Variants in CACNA1E observed in about 807,000 individuals in gnomAD.
The protein encoded by CACNA1E is calcium voltage-gated channel subunit alpha1 E.
CACNA1E carries 40 observed loss-of-function variants against 259.2 expected under a neutral mutation model. The observed-to-expected ratio is 0.15, with a 90% CI of 0.12 to 0.20. CACNA1E has a LOEUF of 0.20. CACNA1E is among the 10% of genes least tolerant of loss of function. The pLI is 1.00. For missense variants in CACNA1E, 1,874 were observed against 3,040.1 expected (o/e 0.62, Z 9.02); for synonymous variants, 1,104 against 1,138.5 (o/e 0.97, Z 0.61).
chr1:181,716,099 G>A lies in CACNA1E; in HGVS notation c.1285G>A (p.Asp429Asn). 1 of 1,570,700 alleles carries A rather than the reference G, an allele frequency of 6.4e-7. No homozygotes were observed. Among genetic ancestry groups the A allele is most frequent in the East Asian group, 2.3e-5 (1 of 42,602 alleles). Reference protein sequence around the residue: ...RTEAMTRDSSDEHCVDISSVG... With the variant: ...RTEAMTRDSSNEHCVDISSVG... ...AGAGGCCATGACTCGAGACTCCAGT[G>A]ATGAGCACTGTGTTGATATCTCCTC... The change falls in exon 10 of 48, where the codon GAT becomes AAT. Residue 429 changes from aspartate to asparagine, a missense_variant. Asp to Asn is a conservative substitution (Grantham distance 23). Transcript: ENST00000367573.
intron 1 of CACNA1E, among the ~76,000 whole-genome samples, chr1:181,336,354 A>G (rs1651706782): frequency 6.6e-6 from 1 of 152,226 alleles, no homozygotes; most frequent in African/African-American, 2.4e-5. Context: ...TAAGCCCTAT[A>G]CGTGCCTCAA....
intron 16 of CACNA1E, among the ~76,000 whole-genome samples, chr1:181,723,896 C>T (rs1332410902): frequency 3.3e-5 from 5 of 152,194 alleles, no homozygotes; most frequent in African/African-American, 4.8e-5. Flanking sequence ...AGAAGCTCTC[C>T]GAACCCTGTC....
intron 25 of CACNA1E, among the ~76,000 whole-genome samples, chr1:181,746,980 G>A (rs1420612200): frequency 6.6e-6 from 1 of 152,190 alleles, no homozygotes; most frequent in Non-Finnish European, 1.5e-5. Context: ...AAGGTAAAAT[G>A]TATTTAATGT....
intron 3 of CACNA1E, among the ~76,000 whole-genome samples, chr1:181,575,495 T>C (rs1650877180): frequency 6.6e-6 from 1 of 152,220 alleles, no homozygotes; most frequent in Non-Finnish European, 1.5e-5. Context: ...TACTGCTCAC[T>C]CTTCTATCAT....
intron 27 of CACNA1E, among the ~76,000 whole-genome samples, chr1:181,753,008 T>C (rs1436827203): frequency 6.6e-6 from 1 of 152,182 alleles, no homozygotes; most frequent in East Asian, 1.9e-4. Context: ...TGAGGCTCCA[T>C]GGGAGGAAAG....
At chr1:181,447,617 C>T (rs1297848748) in intron 2 of CACNA1E, among the ~76,000 whole-genome samples, 1 of 151,990 alleles carries the variant, frequency 6.6e-6, no homozygotes, top group Non-Finnish European at 1.5e-5. Context: ...CAAATGACCA[C>T]AAATTTAGTA....
chr1:181,641,724 T>TG lies in CACNA1E; in HGVS notation c.952-9614_952-9613insG, dbSNP rs1191108892. On this transcript the variant is annotated intron_variant, in intron 6 of 47. Coordinates refer to ENST00000367573, the MANE Select transcript of CACNA1E (RefSeq NM_001205293.3). ...TTTTGTTTTTTTTTTTTTTTTTTTT[T>TG]TTTTTTTGAGACAGAGTCTCGCTCT... 4.3e-3 allele frequency among the ~76,000 whole-genome samples: 616 copies of TG among 143,224 alleles called. 34 individuals are homozygous for TG. The highest frequency in any genetic ancestry group is 0.029 in the East Asian group (146 of 5,016). The allele number at this position is 143,224 out of a possible 152,430, so 94.0% of individuals were successfully genotyped here. A position where few individuals can be genotyped will look rare whatever the true frequency, so the allele number is the denominator to read the frequency against.
intron 38 of CACNA1E, among the ~76,000 whole-genome samples, chr1:181,779,819 TACACACACACAC>T (rs56301632): frequency 5.4e-5 from 8 of 148,394 alleles, no homozygotes; most frequent in Admixed American, 4.7e-4. Context: ...TATGCACATG[TACACACACACAC>T]ACACACACAC....
intron 2 of CACNA1E, among the ~76,000 whole-genome samples, chr1:181,415,146 C>T (rs1256789950): frequency 2.0e-5 from 3 of 152,178 alleles, no homozygotes; most frequent in Admixed American, 6.5e-5. Context: ...TAAGAGGACC[C>T]TGAACAACTT....
intron 2 of CACNA1E, among the ~76,000 whole-genome samples, chr1:181,452,514 G>C (rs921486674): frequency 2.6e-5 from 4 of 152,132 alleles, no homozygotes; most frequent in Non-Finnish European, 5.9e-5. Flanking sequence ...GATGGGGAGG[G>C]GATGGGAAGC....
chr1:181,783,627 C>A, intron 39 of CACNA1E, 52 bp from the exon 40 acceptor site: 1 of 1,003,866 alleles, frequency 1.0e-6, no homozygotes, highest in Non-Finnish European at 1.5e-6. Context: ...ACTGAGATGT[C>A]TTTCAATTTT....
At chr1:181,477,001 T>C (rs1191963821) in intron 2 of CACNA1E, among the ~76,000 whole-genome samples, 1 of 152,150 alleles carries the variant, frequency 6.6e-6, no homozygotes, top group Non-Finnish European at 1.5e-5. Context: ...AAGCATATTT[T>C]TGGCTTTTCT....
chr1:181,607,600 T>C (rs1269419429), intron 6 of CACNA1E, among the ~76,000 whole-genome samples: 1 of 152,212 alleles, frequency 6.6e-6, no homozygotes, highest in Non-Finnish European at 1.5e-5. Flanking sequence ...TTCTGCAAAA[T>C]GCGAATGAGA....
chr1:181,766,355 C>G (rs1464706918), intron 34 of CACNA1E, among the ~76,000 whole-genome samples, 191 bp from the exon 35 acceptor site: 1 of 152,108 alleles, frequency 6.6e-6, no homozygotes, highest in Non-Finnish European at 1.5e-5. Context: ...AACTGTTTAC[C>G]TATCTGTCAG....
intron 1 of CACNA1E, among the ~76,000 whole-genome samples, chr1:181,347,008 A>G (rs985960714): frequency 4.6e-5 from 7 of 152,230 alleles, no homozygotes; most frequent in Non-Finnish European, 8.8e-5. Flanking sequence ...TCACTGACTG[A>G]CAGTCTTGGG....
At chr1:181,362,308 A>C (rs1259506946) in intron 1 of CACNA1E, among the ~76,000 whole-genome samples, 5 of 152,316 alleles carry the variant, frequency 3.3e-5, no homozygotes, top group African/African-American at 1.2e-4. Context: ...GTAGGTGCAG[A>C]AATGGAAGAA....
Position 181,804,621 on chromosome 1 carries a change from C to T in CACNA1E, c.*5787C>T, listed in dbSNP as rs980663711. 6.6e-6 allele frequency: 1 copy of T among 152,146 alleles called. No homozygotes were observed. Among genetic ancestry groups the T allele is most frequent in the African/African-American group, 2.4e-5 (1 of 41,432 alleles). 9.4% of individuals were successfully genotyped at this position (152,146 alleles called of 1,614,324 possible). A position where few individuals can be genotyped will look rare whatever the true frequency, so the allele number is the denominator to read the frequency against. On this transcript the variant is annotated 3_prime_UTR_variant, in exon 48 of 48. Transcript: ENST00000367573. ...CTTTCTGTATTCAAACTTGTGCCTT[C>T]AGCAAGCATCTCTTCACTTTCTTTC...
chr1:181,575,800 C>T (rs1650909693), intron 3 of CACNA1E, among the ~76,000 whole-genome samples: 1 of 152,196 alleles, frequency 6.6e-6, no homozygotes, highest in African/African-American at 2.4e-5. Context: ...GGAGACTGTG[C>T]TGTGCACCTT....
At chr1:181,475,577 C>T (rs188014297) in intron 2 of CACNA1E, among the ~76,000 whole-genome samples, 2 of 152,192 alleles carry the variant, frequency 1.3e-5, no homozygotes, top group African/African-American at 2.4e-5. Context: ...GGGCATGACA[C>T]GTTTGTTTAT....
Sources: allele counts gnomAD v4.1 joint callset (sites outside exome capture counted in the v4.1 genomes callset), GRCh38; gene constraint gnomAD v4.1.1; transcripts MANE v1.5; gene names NCBI Gene and HGNC (gene_info 2026-07-23, HGNC 2026-07-21).